CNBD1: variants seen among roughly 807,000 people sequenced by gnomAD.
The protein encoded by CNBD1 is cyclic nucleotide binding domain containing 1, also known as cyclic nucleotide-binding domain-containing protein 1.
CNBD1 carries 71 observed loss-of-function variants against 54.4 expected under a neutral mutation model. The ratio of observed to expected loss-of-function variants is 1.30; its 90% confidence interval spans 1.08 to 1.59. CNBD1 has a LOEUF of 1.59. CNBD1 is among the 40% of genes most tolerant of loss of function. CNBD1 has a pLI of 0.00. For synonymous variants in CNBD1, 182 were observed against 170.7 expected, an observed-to-expected ratio of 1.07 and a Z score of -0.51; for missense variants, 659 against 518.0, an observed-to-expected ratio of 1.27 and a Z score of -2.64.
intron 4 of CNBD1, among the ~76,000 whole-genome samples, chr8:87,168,883 A>G (rs925588434): frequency 1.3e-5 from 2 of 152,226 alleles, no homozygotes; most frequent in South Asian, 2.1e-4. Flanking sequence ...TAGTACTGCA[A>G]TAAACATGGG....
At chr8:87,410,819 C>A (rs1373474795) in intron 2 of CNBD1, among the ~76,000 whole-genome samples, 2 of 152,084 alleles carry the variant, frequency 1.3e-5, no homozygotes, top group African/African-American at 4.8e-5. Context: ...CACAGCCACC[C>A]CAACTATTAG....
At chr8:87,232,535 A>C (rs1048253705) in intron 5 of CNBD1, among the ~76,000 whole-genome samples, 7 of 152,104 alleles carry the variant, frequency 4.6e-5, no homozygotes. Flanking sequence ...AGTATGGGTG[A>C]TTCTTATTTT....
intron 5 of CNBD1, among the ~76,000 whole-genome samples, chr8:87,221,509 A>G (rs757630727): frequency 2.6e-5 from 4 of 152,108 alleles, no homozygotes; most frequent in Admixed American, 6.6e-5. Flanking sequence ...TGTCAATCAA[A>G]ATTGTATCTA....
In CNBD1 at chr8:87,069,995, A is replaced by T. The variant is rs535714146; in HGVS notation, c.431+130241A>T. Among the ~76,000 whole-genome samples, 60 of 152,132 alleles carry T rather than the reference A, an allele frequency of 3.9e-4. 2 individuals carry two copies. The South Asian group carries it at 0.012, about 30-fold the overall frequency. On this transcript the variant is annotated intron_variant, in intron 4 of 10. Coordinates refer to ENST00000518476, the MANE Select transcript of CNBD1 (RefSeq NM_173538.3). Reference sequence around the variant, plus strand: ...TCAGTTTTATTTTGGTTGAAGGCTGAGGTTTTCATCTGGTGTCTAAACAAA... The same window carrying T: ...TCAGTTTTATTTTGGTTGAAGGCTGTGGTTTTCATCTGGTGTCTAAACAAA...
intron 2 of CNBD1, among the ~76,000 whole-genome samples, chr8:86,893,316 T>C (rs1808800601): frequency 6.6e-6 from 1 of 152,224 alleles, no homozygotes. Context: ...CTAGGGAGCA[T>C]TTGAAATGTA....
At chr8:87,015,977 C>CAAAAAAAA (rs58453987) in intron 4 of CNBD1, among the ~76,000 whole-genome samples, 17 of 55,956 alleles carry the variant, frequency 3.0e-4, no homozygotes, top group African/African-American at 1.2e-3. Context: ...GAATCCGTCT[C>CAAAAAAAA]AAAAAAAAAA....
At chr8:87,204,536 A>G (rs1362679413) in intron 4 of CNBD1, among the ~76,000 whole-genome samples, 1 of 152,072 alleles carries the variant, frequency 6.6e-6, no homozygotes, top group East Asian at 1.9e-4. Flanking sequence ...TTTCATTTAT[A>G]CTTGAAAACT....
chr8:87,280,096 G>T (rs1332623424), intron 6 of CNBD1, among the ~76,000 whole-genome samples: 1 of 151,392 alleles, frequency 6.6e-6, no homozygotes, highest in South Asian at 2.1e-4. Context: ...AATGCGTTAG[G>T]TCCCCATCAG....
chr8:86,922,340 A>G (rs991874183), intron 3 of CNBD1, among the ~76,000 whole-genome samples: 2 of 152,114 alleles, frequency 1.3e-5, no homozygotes, highest in East Asian at 3.9e-4. Context: ...AAAGAGAAGA[A>G]AGAGAAATAA....
rs1173116887 is a variant in CNBD1, at chr8:87,223,996, C to T, written c.578-12923C>T. Among the ~76,000 whole-genome samples the T allele has an allele frequency of 1.1e-3, 166 of 151,746 alleles. 2 individuals are homozygous for T. Among genetic ancestry groups the T allele is most frequent in the East Asian group, 1.9e-3 (10 of 5,132 alleles). ...TTTGCATTTCTCTGATGGCCAGTGA[C>T]GGTGAGCATTTTTTCATGTGTTTTT... is the stretch of plus-strand genomic sequence containing the variant. On this transcript the variant is annotated intron_variant, in intron 5 of 10. Transcript: ENST00000518476.
intron 4 of CNBD1, among the ~76,000 whole-genome samples, chr8:87,103,732 G>A (rs1811477952): frequency 6.6e-6 from 1 of 152,132 alleles, no homozygotes; most frequent in African/African-American, 2.4e-5. Context: ...CGACACATGG[G>A]GATTATGGGA....
intron 8 of CNBD1, among the ~76,000 whole-genome samples, chr8:87,287,071 T>C (rs1585985112): frequency 6.6e-6 from 1 of 152,166 alleles, no homozygotes; most frequent in South Asian, 2.1e-4. Context: ...AAGCAGCAAG[T>C]TTGCTAATCT....
At chr8:87,003,670 A>G (rs1809038340) in intron 4 of CNBD1, among the ~76,000 whole-genome samples, 1 of 152,198 alleles carries the variant, frequency 6.6e-6, no homozygotes, top group African/African-American at 2.4e-5. Context: ...GAACACAGGT[A>G]CTAGAGGATA....
intron 2 of CNBD1, among the ~76,000 whole-genome samples, chr8:87,414,156 A>C (rs941268422): frequency 6.6e-6 from 1 of 152,046 alleles, no homozygotes; most frequent in African/African-American, 2.4e-5. Flanking sequence ...GATTAAGAAA[A>C]TGTGGCACAT....
intron 4 of CNBD1, among the ~76,000 whole-genome samples, chr8:87,143,362 T>C (rs1396086219): frequency 2.0e-5 from 3 of 150,384 alleles, no homozygotes; most frequent in African/African-American, 7.3e-5. Context: ...GCAGATTGTC[T>C]GCTAAGGGCA....
At chr8:87,229,447 C>T (rs530163167) in intron 5 of CNBD1, among the ~76,000 whole-genome samples, 11 of 152,320 alleles carry the variant, frequency 7.2e-5, no homozygotes, top group East Asian at 5.8e-4. Flanking sequence ...ACAATTCATA[C>T]ATTTAACACC....
intron 3 of CNBD1, among the ~76,000 whole-genome samples, chr8:86,927,438 C>A (rs908317924): frequency 6.6e-6 from 1 of 151,988 alleles, no homozygotes; most frequent in African/African-American, 2.4e-5. Context: ...CCCTGAGAAG[C>A]AGACAAGCTG....
At chr8:87,120,385 ATCTTTTGTATT>A (rs1811866127) in intron 4 of CNBD1, among the ~76,000 whole-genome samples, 1 of 151,770 alleles carries the variant, frequency 6.6e-6, no homozygotes, top group Admixed American at 6.6e-5. Flanking sequence ...GTCTCTGATG[ATCTTTTGTATT>A]TCTGTGGTAT....
At chr8:87,241,739 TTAAG>T (rs1462482349) in intron 6 of CNBD1, among the ~76,000 whole-genome samples, 4 of 152,090 alleles carry the variant, frequency 2.6e-5, no homozygotes, top group African/African-American at 7.2e-5. Context: ...AAAAAATAGT[TTAAG>T]TAATAGGATA....
Sources: gnomAD v4.1 joint callset for allele counts (sites outside exome capture counted in the v4.1 genomes callset) on GRCh38, gnomAD v4.1.1 for gene constraint, MANE v1.5 for transcripts, NCBI Gene and HGNC (gene_info 2026-07-23, HGNC 2026-07-21) for gene names.